Variants in CDHR1 observed in about 807,000 individuals in gnomAD.
The protein encoded by CDHR1 is cadherin related family member 1.
A neutral mutation model predicts 72.1 loss-of-function variants in CDHR1; 61 were observed. The observed-to-expected ratio is 0.85, with a 90% confidence interval of 0.69 to 1.05. The LOEUF is 1.05. CDHR1 is among the 50% of genes least tolerant of loss of function. The probability of loss-of-function intolerance (pLI) is 0.00; values close to 1 mark genes in which losing one functional copy is unlikely to be tolerated. For missense variants in CDHR1, 1,186 were observed against 1,115.7 expected (o/e 1.06, Z -0.90); for synonymous variants, 470 against 448.1 (o/e 1.05, Z -0.62).
At chr10:84,198,931 G>A in intron 4 of CDHR1, 101 bp from the exon 5 acceptor site, 2 of 847,590 alleles carry the variant, frequency 2.4e-6, no homozygotes, top group Non-Finnish European at 4.0e-6. Context: ...AGAGAGGAGG[G>A]ATGGGCAGAG....
At chr10:84,211,390 C>T (rs950740556) in intron 13 of CDHR1, among the ~76,000 whole-genome samples, 1 of 152,232 alleles carries the variant, frequency 6.6e-6, no homozygotes. Context: ...AATCACAGGG[C>T]ATGGGACCCA....
chr10:84,201,947 C>A, intron 7 of CDHR1, 27 bp downstream of exon 7: 1 of 1,546,336 alleles, frequency 6.5e-7, no homozygotes, highest in Non-Finnish European at 8.8e-7. Context: ...GGGGAGCATC[C>A]AGTGTCTCCT....
intron 16 of CDHR1, 58 bp from the exon 17 acceptor site, chr10:84,214,024 C>T: frequency 6.2e-7 from 1 of 1,611,112 alleles, no homozygotes; most frequent in East Asian, 2.2e-5. Context: ...CATACCTACT[C>T]TGTACTCCAG....
At chr10:84,201,952 T>G (rs758112482) in intron 7 of CDHR1, 32 bp downstream of exon 7, 15 of 1,532,766 alleles carry the variant, frequency 9.8e-6, no homozygotes, top group Non-Finnish European at 1.3e-5. Flanking sequence ...GCATCCAGTG[T>G]CTCCTCAGCC....
chr10:84,208,874 C>A lies in CDHR1; in HGVS notation c.1313C>A (p.Thr438Asn). Residue 438 changes from threonine (T) to asparagine (N), a missense_variant, in exon 12 of 17, where the codon ACC becomes AAC. Coordinates refer to ENST00000623527, the MANE Select transcript of CDHR1 (RefSeq NM_033100.4). ...GACTTTGAAAAGTCCAAAGTATTAA[C>A]CTTCAAGGTAGGTGGTGCCCTGAAT... ...AIDFEKSKVL[T>N]FKLLAVEVNT... 1 of 1,613,840 alleles carries A rather than the reference C, an allele frequency of 6.2e-7. No individual in the cohort carries two copies. The highest frequency in any genetic ancestry group is 8.5e-7 in the Non-Finnish European group (1 of 1,179,858).
intron 1 of CDHR1, among the ~76,000 whole-genome samples, chr10:84,195,200 C>G (rs958175036): frequency 1.3e-5 from 2 of 152,218 alleles, no homozygotes; most frequent in African/African-American, 2.4e-5. Context: ...CCTCTCCGAG[C>G]GCGGGTGCAA....
At position 84,216,098 on chromosome 10, in the gene CDHR1, C is replaced by A; in HGVS notation, c.*1477C>A. 4.1e-6 allele frequency: 4 copies of A among 985,432 alleles called. No homozygotes were observed. Among genetic ancestry groups the A allele is most frequent in the Non-Finnish European group, 4.8e-6 (4 of 829,932 alleles). 61.0% of individuals were successfully genotyped at this position (985,432 alleles called of 1,614,324 possible). A position where few individuals can be genotyped will look rare whatever the true frequency, so the allele number is the denominator to read the frequency against. Reference sequence around the variant, plus strand: ...GTTAATACAAATAGGTTGTGCCCTGCTTTAAGGAACCTGCTATCAGGAAAT... The same window carrying A: ...GTTAATACAAATAGGTTGTGCCCTGATTTAAGGAACCTGCTATCAGGAAAT... On this transcript the variant is annotated 3_prime_UTR_variant, in exon 17 of 17. Coordinates refer to ENST00000623527, the MANE Select transcript of CDHR1 (RefSeq NM_033100.4).
Position 84,202,503 on chromosome 10 carries a change from C to T in CDHR1, c.640-477C>T, listed in dbSNP as rs1842145904. On this transcript the variant is annotated intron_variant, in intron 7 of 16. Coordinates refer to ENST00000623527, the MANE Select transcript of CDHR1 (RefSeq NM_033100.4). ...GGTCACAGCCTGGCTTACAGGCCAT[C>T]CCACTGCAGCCTGTACCAGGAGGCC... Among the ~76,000 whole-genome samples, 2 of 152,212 alleles carry T rather than the reference C, an allele frequency of 1.3e-5. 1 individual carries two copies. Among genetic ancestry groups the T allele is most frequent in the Admixed American group, 1.3e-4 (2 of 15,280 alleles).
intron 10 of CDHR1, 127 bp from the exon 11 acceptor site, chr10:84,208,047 A>C: frequency 2.5e-6 from 2 of 804,598 alleles, no homozygotes; most frequent in Non-Finnish European, 2.2e-6. Context: ...ATTATCAGTT[A>C]GAACCAAGTT....
rs1012055884 is a variant in CDHR1, at chr10:84,216,207, G to A, written c.*1586G>A. The A allele has an allele frequency of 3.0e-5, 30 of 985,346 alleles. No homozygotes were observed. Among genetic ancestry groups the A allele is most frequent in the Non-Finnish European group, 3.6e-5 (30 of 829,954 alleles). 61.0% of individuals were successfully genotyped at this position (985,346 alleles called of 1,614,324 possible). On this transcript the variant is annotated 3_prime_UTR_variant, in exon 17 of 17. Coordinates refer to ENST00000623527, the MANE Select transcript of CDHR1 (RefSeq NM_033100.4). ...CTAACAACCCCTCTAGAATACATTGGTGATTTCATTTAAAGAGATTGTATG... is the reference window on the plus strand; with the variant it reads ...CTAACAACCCCTCTAGAATACATTGATGATTTCATTTAAAGAGATTGTATG...
chr10:84,212,261 T>A lies in CDHR1; in HGVS notation c.1636T>A (p.Phe546Ile), dbSNP rs370493089. Reference sequence around the variant, plus strand: ...CGCTGAGGCCACTGCCAGGTACAACTTCTATGTGAAGGCAGAGGACATGGA... The same window carrying A: ...CGCTGAGGCCACTGCCAGGTACAACATCTATGTGAAGGCAGAGGACATGGA... ...LDAEATARYN[F>I]YVKAEDMEGK... The change falls in exon 15 of 17, where the codon TTC becomes ATC. Residue 546 changes from phenylalanine (F) to isoleucine (I), a missense_variant. By Grantham distance (21) the Phe-to-Ile change is conservative (BLOSUM62 0). Coordinates refer to ENST00000623527, the MANE Select transcript of CDHR1 (RefSeq NM_033100.4). The A allele has an allele frequency of 4.3e-6, 7 of 1,614,218 alleles. No individual in the cohort carries two copies. The highest frequency in any genetic ancestry group is 5.9e-6 in the Non-Finnish European group (7 of 1,180,028).
chr10:84,211,380 A>C (rs1163874843), intron 13 of CDHR1, among the ~76,000 whole-genome samples: 3 of 152,252 alleles, frequency 2.0e-5, no homozygotes, highest in African/African-American at 7.2e-5. Context: ...TGTAAACAAC[A>C]ATCACAGGGC....
chr10:84,215,644 A>G lies in CDHR1; in HGVS notation c.*1023A>G. On this transcript the variant is annotated 3_prime_UTR_variant, in exon 17 of 17. Transcript: ENST00000623527. Reference sequence around the variant, plus strand: ...GTCTAGGGTGAGGATTGAAGAAAATAGTGGTGATGAGGGCTTTAACCAAGT... The same window carrying G: ...GTCTAGGGTGAGGATTGAAGAAAATGGTGGTGATGAGGGCTTTAACCAAGT... The G allele has an allele frequency of 2.1e-6, 2 of 974,520 alleles. No individual in the cohort carries two copies. The highest frequency in any genetic ancestry group is 2.4e-6 in the Non-Finnish European group (2 of 820,016). 60.4% of individuals were successfully genotyped at this position (974,520 alleles called of 1,614,324 possible). A position where few individuals can be genotyped will look rare whatever the true frequency, so the allele number is the denominator to read the frequency against.
chr10:84,219,403 C>G, downstream of CDHR1: 4 of 1,397,704 alleles, frequency 2.9e-6, no homozygotes, highest in Non-Finnish European at 3.8e-6. Context: ...GCACTGCTTG[C>G]TGCTCTTCCA....
chr10:84,212,239 T>C lies in CDHR1; in HGVS notation c.1614T>C (p.Ala538=), dbSNP rs2132830749. ...CCCAGCCCTGGGCTAGCCTGGACGC[T>C]GAGGCCACTGCCAGGTACAACTTCT... is the stretch of plus-strand genomic sequence containing the variant. ...IYTQPWASLD[A]EATARYNFYV... The change falls in exon 15 of 17, where the codon GCT becomes GCC. Residue 538 remains alanine, a synonymous_variant. Transcript: ENST00000623527. 4.3e-6 allele frequency: 7 copies of C among 1,614,240 alleles called. No individual in the cohort carries two copies. The highest frequency in any genetic ancestry group is 5.1e-6 in the Non-Finnish European group (6 of 1,180,038).
rs1842464001 is a variant in CDHR1 at position 84,218,680 on chromosome 10, A to C, written c.*4059A>C. On this transcript the variant is annotated 3_prime_UTR_variant, in exon 17 of 17. Transcript: ENST00000623527. ...AAACTCTAAATAAATAAGCTTCTCAAGGGCATGACAACTATATCGGAAACT... is the reference window on the plus strand; with the variant it reads ...AAACTCTAAATAAATAAGCTTCTCACGGGCATGACAACTATATCGGAAACT... The C allele has an allele frequency of 7.1e-6, 7 of 987,436 alleles. No individual in the cohort carries two copies. Among genetic ancestry groups the C allele is most frequent in the Non-Finnish European group, 8.4e-6 (7 of 831,388 alleles). 61.2% of individuals were successfully genotyped at this position (987,436 alleles called of 1,614,324 possible). A position where few individuals can be genotyped will look rare whatever the true frequency, so the allele number is the denominator to read the frequency against.
downstream of CDHR1, chr10:84,218,976 A>G: frequency 1.8e-6 from 1 of 564,742 alleles, no homozygotes; most frequent in Admixed American, 3.7e-5. Flanking sequence ...GTTAAAAAAA[A>G]AGCCTCGTAT....
chr10:84,203,660 C>T (rs192041138), intron 8 of CDHR1, among the ~76,000 whole-genome samples: 1 of 152,350 alleles, frequency 6.6e-6, no homozygotes, highest in East Asian at 1.9e-4. Context: ...AGGTGATCCA[C>T]CCGCCTTGGC....
At position 84,201,819 on chromosome 10, in the gene CDHR1, C is replaced by G. The variant is rs1842130048; in HGVS notation, c.538C>G (p.Pro180Ala). The G allele has an allele frequency of 6.2e-7, 1 of 1,610,456 alleles. No individual in the cohort carries two copies. Among genetic ancestry groups the G allele is most frequent in the Middle Eastern group, 1.6e-4 (1 of 6,062 alleles). Residue 180 changes from proline (P) to alanine (A), a missense_variant, in exon 7 of 17, where the codon CCA (proline) becomes GCA (alanine). By Grantham distance (27) the Pro-to-Ala change is conservative. Transcript: ENST00000623527. ...VTYFLQNLHSPFAVDRHSGVL... is the reference protein window; with the variant it reads ...VTYFLQNLHSAFAVDRHSGVL... ...CTAATTCTTATAGAACCTGCACTCCCCATTTGCCGTGGACCGCCACAGCGG... is the reference window on the plus strand; with the variant it reads ...CTAATTCTTATAGAACCTGCACTCCGCATTTGCCGTGGACCGCCACAGCGG...
Sources: allele counts gnomAD v4.1 joint callset (sites outside exome capture counted in the v4.1 genomes callset), GRCh38; gene constraint gnomAD v4.1.1; transcripts MANE v1.5; gene names NCBI Gene and HGNC (gene_info 2026-07-23, HGNC 2026-07-21).